WIPI2: variants seen among roughly 807,000 people sequenced by gnomAD.
WIPI2 encodes the protein WD repeat domain phosphoinositide-interacting protein 2.
A neutral mutation model predicts 52.3 loss-of-function variants in WIPI2; 28 were observed. That is an observed-to-expected ratio of 0.54 (90% confidence interval 0.40 to 0.73). The LOEUF (loss-of-function observed/expected upper bound fraction) is 0.73, where lower values mean the gene tolerates loss of function less well. Among genes scored for constraint, WIPI2 ranks in the 30% least tolerant of loss-of-function variants. The probability of loss-of-function intolerance (pLI) is 0.00; values close to 1 mark genes in which losing one functional copy is unlikely to be tolerated. For missense variants in WIPI2, 506 were observed against 602.9 expected (o/e 0.84, Z 1.68); for synonymous variants, 268 against 245.0 (o/e 1.09, Z -0.88).
rs1182421871 is a variant in WIPI2, at chr7:5,232,902, C to CT, written c.*1958dup. On this transcript the variant is annotated 3_prime_UTR_variant, in exon 13 of 13. Transcript: ENST00000288828. Reference sequence around the variant, plus strand: ...ATTTCCTTTGCCAGGTCTCTTTTGTCTTTCTTTGGGATTGGTAGTATAGAA... The same window carrying CT: ...ATTTCCTTTGCCAGGTCTCTTTTGTCTTTTCTTTGGGATTGGTAGTATAGAA... 2.0e-5 allele frequency: 3 copies of CT among 152,314 alleles called. No individual in the cohort carries two copies. The highest frequency in any genetic ancestry group is 4.4e-5 in the Non-Finnish European group (3 of 68,098). The allele number at this position is 152,314 out of a possible 1,614,324, so 9.4% of individuals were successfully genotyped here. A position where few individuals can be genotyped will look rare whatever the true frequency, so the allele number is the denominator to read the frequency against.
intron 4 of WIPI2, among the ~76,000 whole-genome samples, chr7:5,215,211 T>C (rs1782753145): frequency 6.6e-6 from 1 of 152,018 alleles, no homozygotes; most frequent in South Asian, 2.1e-4. Flanking sequence ...CTCGGGAGGC[T>C]GAGGCAGGAA....
chr7:5,223,207 C>T (rs945894708), intron 8 of WIPI2, among the ~76,000 whole-genome samples: 3 of 152,226 alleles, frequency 2.0e-5, no homozygotes, highest in Non-Finnish European at 4.4e-5. Flanking sequence ...GTCCCTCCCT[C>T]GTCGGACAGT....
At chr7:5,206,620 C>T (rs1186179898) in intron 3 of WIPI2, among the ~76,000 whole-genome samples, 1 of 152,124 alleles carries the variant, frequency 6.6e-6, no homozygotes, top group Non-Finnish European at 1.5e-5. Context: ...ATTTTTCTTT[C>T]TAACATTTTA....
At chr7:5,213,547 C>T (rs188016306) in intron 3 of WIPI2, 4 of 152,404 alleles carry the variant, frequency 2.6e-5, no homozygotes, top group Admixed American at 1.3e-4. Flanking sequence ...GTTAGTCACA[C>T]GCAGCGCAGG....
intron 3 of WIPI2, among the ~76,000 whole-genome samples, chr7:5,213,764 C>T (rs1782676609): frequency 6.6e-6 from 1 of 152,150 alleles, no homozygotes; most frequent in South Asian, 2.1e-4. Flanking sequence ...TGGCTCACTT[C>T]AAGCTCCGTC....
At chr7:5,216,168 T>C (rs907972494) in intron 4 of WIPI2, 1 of 173,340 alleles carries the variant, frequency 5.8e-6, no homozygotes, top group Non-Finnish European at 1.3e-5. Flanking sequence ...CTGCATGGTG[T>C]TCTAGAAGGA....
chr7:5,206,234 C>G (rs1221478857), intron 3 of WIPI2, among the ~76,000 whole-genome samples: 1 of 152,088 alleles, frequency 6.6e-6, no homozygotes. Flanking sequence ...AGGAATCCCT[C>G]CCTTGCATTA....
chr7:5,232,445 GCA>G lies in WIPI2; in HGVS notation c.*1505_*1506del, dbSNP rs1783770683. On this transcript the variant is annotated 3_prime_UTR_variant, in exon 13 of 13. Transcript: ENST00000288828. The stretch of plus-strand genomic sequence containing the variant: ...GCTTCCTCCCAGCCGCTGGTGTGCG[GCA>G]CACACAACATCTGCATTAGGCAGAG... 5.0e-6 allele frequency: 2 copies of G among 397,490 alleles called. No individual in the cohort carries two copies. The highest frequency in any genetic ancestry group is 8.9e-6 in the Non-Finnish European group (2 of 225,936). 24.6% of individuals were successfully genotyped at this position (397,490 alleles called of 1,614,324 possible). A position where few individuals can be genotyped will look rare whatever the true frequency, so the allele number is the denominator to read the frequency against.
Position 5,230,710 on chromosome 7 carries a change from G to A in WIPI2, c.1253-125G>A, listed in dbSNP as rs978212013. ...TTAGAAAGCAATCAGAATTCAGAAC[G>A]TCTTAGTACAGGCTTCAGTTTATAA... On this transcript the variant is annotated intron_variant, in intron 12 of 12. Coordinates refer to ENST00000288828, the MANE Select transcript of WIPI2 (RefSeq NM_015610.4). The surrounding 1 kb of genome is among the most constrained non-coding windows in gnomAD (Gnocchi z 4.8). 8.5e-6 allele frequency: 5 copies of A among 588,304 alleles called. No individual in the cohort carries two copies. The highest frequency in any genetic ancestry group is 7.8e-5 in the African/African-American group (4 of 51,604). The allele number at this position is 588,304 out of a possible 1,614,324, so 36.4% of individuals were successfully genotyped here.
At chr7:5,203,420 C>T (rs893808951) in intron 3 of WIPI2, among the ~76,000 whole-genome samples, 1 of 152,130 alleles carries the variant, frequency 6.6e-6, no homozygotes, top group African/African-American at 2.4e-5. Context: ...TCCAGAGCTT[C>T]ATCGTTGCCA....
rs538881961 is a variant in WIPI2 at position 5,225,286 on chromosome 7, A to G, written c.741-537A>G. 7.2e-5 allele frequency among the ~76,000 whole-genome samples: 11 copies of G among 151,906 alleles called. No individual in the cohort carries two copies. The South Asian group carries it at 8.3e-4, about 11-fold the overall frequency. On this transcript the variant is annotated intron_variant, in intron 8 of 12. Transcript: ENST00000288828. ...CTCCCGAGTAGCTGGGACTACAGGC[A>G]CCCGCCACCACGCCCAGCTAATTTT...
intron 8 of WIPI2, chr7:5,222,913 C>T (rs1050758345): frequency 1.4e-5 from 6 of 435,784 alleles, no homozygotes; most frequent in African/African-American, 1.2e-4. Flanking sequence ...TTGTGAAGAG[C>T]TCACGCAACC....
rs1783774430 is a variant in WIPI2, at chr7:5,232,545, C to T, written c.*1598C>T. On this transcript the variant is annotated 3_prime_UTR_variant, in exon 13 of 13. Transcript: ENST00000288828. The stretch of plus-strand genomic sequence containing the variant: ...CCTGGACCTTTGATGAAATGGGATC[C>T]CGGTCACGCAGGCTGAGACAGTGGG... 2.6e-6 allele frequency: 1 copy of T among 385,410 alleles called. No homozygotes were observed. The highest frequency in any genetic ancestry group is 2.1e-5 in the African/African-American group (1 of 48,418). 23.9% of individuals were successfully genotyped at this position (385,410 alleles called of 1,614,324 possible).
chr7:5,201,035 C>G (rs1014476253), intron 3 of WIPI2, among the ~76,000 whole-genome samples: 4 of 152,262 alleles, frequency 2.6e-5, no homozygotes, highest in Admixed American at 1.3e-4. Flanking sequence ...GAGATGTGAT[C>G]TGGGCGATAA....
chr7:5,222,715 T>G, intron 8 of WIPI2, 43 bp downstream of exon 8: 1 of 1,570,756 alleles, frequency 6.4e-7, no homozygotes, highest in Non-Finnish European at 8.7e-7. Context: ...GAGGTTGTAT[T>G]TGGATTTCAG....
At chr7:5,212,345 G>A (rs1484787507) in intron 3 of WIPI2, among the ~76,000 whole-genome samples, 1 of 152,210 alleles carries the variant, frequency 6.6e-6, no homozygotes, top group Non-Finnish European at 1.5e-5. Context: ...AACCGGGCCA[G>A]TGCGTGCAGC....
At chr7:5,204,873 A>G (rs1183695628) in intron 3 of WIPI2, among the ~76,000 whole-genome samples, 2 of 152,016 alleles carry the variant, frequency 1.3e-5, no homozygotes, top group African/African-American at 2.4e-5. Context: ...TTGGGGTCTC[A>G]CTGTGTTGCC....
intron 5 of WIPI2, 114 bp from the exon 6 acceptor site, chr7:5,216,976 C>A: frequency 9.1e-7 from 1 of 1,103,840 alleles, no homozygotes; most frequent in Non-Finnish European, 1.3e-6. Context: ...AGATTGTATC[C>A]AAGCTATTAT....
chr7:5,197,576 T>C (rs1018970962), intron 2 of WIPI2, among the ~76,000 whole-genome samples: 2 of 152,226 alleles, frequency 1.3e-5, no homozygotes, highest in African/African-American at 4.8e-5. Flanking sequence ...TAGAGTTTTG[T>C]TTCTGTTCTT....
Sources: gnomAD v4.1 joint callset for allele counts (sites outside exome capture counted in the v4.1 genomes callset) on GRCh38, gnomAD v4.1.1 for gene constraint, Gnocchi (gnomAD v3.1) non-coding constraint, MANE v1.5 for transcripts, NCBI Gene and HGNC (gene_info 2026-07-23, HGNC 2026-07-21) for gene names.